APOO: variants seen among roughly 807,000 people sequenced by gnomAD.
The protein encoded by APOO is MICOS complex subunit MIC26.
APOO carries 11 observed loss-of-function variants against 23.1 expected under a neutral mutation model. That is an observed-to-expected ratio of 0.48 (90% CI 0.30 to 0.79). The LOEUF (loss-of-function observed/expected upper bound fraction) is 0.79. Ranked by LOEUF, APOO falls within the 30% of genes least tolerant of loss-of-function variation. The pLI is 0.07. For synonymous variants in APOO, 59 were observed against 54.8 expected (o/e 1.08, Z -0.34); for missense variants, 160 against 142.7 (o/e 1.12, Z -0.62).
intron 1 of APOO, among the ~76,000 whole-genome samples, chrX:23,904,504 GTTTT>G (rs143167112): frequency 1.3e-4 from 7 of 53,223 alleles, no homozygotes; most frequent in African/African-American, 4.2e-4. Context: ...GATGACACTG[GTTTT>G]TTTTTTTTTT....
At chrX:23,900,535 C>T (rs943830516) in intron 1 of APOO, among the ~76,000 whole-genome samples, 4 of 109,773 alleles carry the variant, frequency 3.6e-5, no homozygotes, top group Non-Finnish European at 5.7e-5. Flanking sequence ...CTAGGCCAGG[C>T]GTGCTGGTGC....
intron 1 of APOO, among the ~76,000 whole-genome samples, chrX:23,900,838 A>G (rs1284380639): frequency 1.8e-5 from 2 of 111,624 alleles, no homozygotes; most frequent in Admixed American, 9.5e-5. Context: ...GGAAAAAGAA[A>G]CAACCAATTG....
intron 1 of APOO, among the ~76,000 whole-genome samples, chrX:23,882,490 CCTTTT>C (rs1421602117): frequency 1.8e-5 from 2 of 111,743 alleles, no homozygotes; most frequent in East Asian, 5.6e-4. Context: ...CCATCCATTT[CCTTTT>C]GTCTCATTTG....
chrX:23,837,830 T>G (rs1174188919), intron 8 of APOO, among the ~76,000 whole-genome samples: 5 of 106,084 alleles, frequency 4.7e-5, no homozygotes, highest in African/African-American at 1.7e-4. Context: ...AGCTAATTTT[T>G]TTAATTTTTT....
Position 23,833,567 on chromosome X carries a change from T to TAGAAATAC in APOO, c.*67_*74dup, listed in dbSNP as rs760931411. 6 of 112,338 alleles carry TAGAAATAC rather than the reference T, an allele frequency of 5.3e-5. No homozygotes were observed. The highest frequency in any genetic ancestry group is 1.9e-4 in the African/African-American group (6 of 30,923). The allele number at this position is 112,338 out of a possible 1,213,427, so 9.3% of individuals were successfully genotyped here. A position where few individuals can be genotyped will look rare whatever the true frequency, so the allele number is the denominator to read the frequency against. ...TACTGACTTCTATGCCATTTTTCTG[T>TAGAAATAC]AGAAATACTGATTTATTCTATGGAG... On this transcript the variant is annotated 3_prime_UTR_variant, in exon 9 of 9. Transcript: ENST00000379226.
At chrX:23,885,170 G>A (rs963225072) in intron 1 of APOO, among the ~76,000 whole-genome samples, 2 of 108,612 alleles carry the variant, frequency 1.8e-5, no homozygotes, top group African/African-American at 6.7e-5. Flanking sequence ...AGGCCGAGGT[G>A]GGTGGATCAC....
At chrX:23,874,137 C>T (rs1461664615) in intron 4 of APOO, among the ~76,000 whole-genome samples, 1 of 111,047 alleles carries the variant, frequency 9.0e-6, no homozygotes, top group Non-Finnish European at 1.9e-5. Context: ...AATGAGATTT[C>T]TTTTTTTTAA....
intron 5 of APOO, among the ~76,000 whole-genome samples, chrX:23,861,480 C>T (rs1925025919): frequency 1.0e-5 from 1 of 99,493 alleles, no homozygotes; most frequent in Non-Finnish European, 2.0e-5. Flanking sequence ...AACCTCTTTT[C>T]TTTATAAATT....
chrX:23,843,472 T>G, intron 7 of APOO, among the ~76,000 whole-genome samples: 1 of 111,535 alleles, frequency 9.0e-6, no homozygotes, highest in Non-Finnish European at 1.9e-5. Flanking sequence ...TTTTTTGCAT[T>G]TTCAGACAGA....
At chrX:23,881,120 G>A (rs756979904) in intron 1 of APOO, among the ~76,000 whole-genome samples, 168 bp from the exon 2 acceptor site, 2 of 110,408 alleles carry the variant, frequency 1.8e-5, no homozygotes, top group Non-Finnish European at 3.8e-5. Flanking sequence ...TGTTACCCAG[G>A]CTGCGGTGTA....
chrX:23,854,288 T>G lies in APOO; in HGVS notation c.561+2014A>C, dbSNP rs1924679549. Among the ~76,000 whole-genome samples the G allele has an allele frequency of 8.1e-5, 9 of 111,751 alleles. No individual in the cohort carries two copies. The South Asian group carries it at 3.3e-3, about 41-fold the overall frequency. On this transcript the variant is annotated intron_variant, in intron 7 of 8. Coordinates refer to ENST00000379226, the MANE Select transcript of APOO (RefSeq NM_024122.5). ...GCCAGAGGCTCCCGCAGCCCTCACT[T>G]TAGCTTTGGTGTGCGTGTGTGTCTG...
chrX:23,880,607 G>A (rs918398416), intron 2 of APOO, among the ~76,000 whole-genome samples: 11 of 110,209 alleles, frequency 1.0e-4, no homozygotes, highest in African/African-American at 3.6e-4. Context: ...GCTGAGGCAG[G>A]AGAATGGCTT....
At chrX:23,868,529 A>T in intron 5 of APOO, 64 bp downstream of exon 5, 3 of 947,418 alleles carry the variant, frequency 3.2e-6, no homozygotes, top group Non-Finnish European at 4.4e-6. Context: ...GAAGGGAAAG[A>T]ATGAAACATA....
intron 8 of APOO, among the ~76,000 whole-genome samples, chrX:23,836,274 C>A (rs1360770910): frequency 8.9e-6 from 1 of 112,220 alleles, no homozygotes; most frequent in Non-Finnish European, 1.9e-5. Flanking sequence ...GTTTGAACTA[C>A]AGGCATGAGC....
chrX:23,872,919 C>A (rs141446719), intron 4 of APOO, among the ~76,000 whole-genome samples: 1,300 of 109,442 alleles, frequency 0.012, 21 homozygotes, highest in African/African-American at 0.041. Context: ...GGTGTGGTGG[C>A]GTGTGCCTGC....
intron 2 of APOO, among the ~76,000 whole-genome samples, chrX:23,880,545 C>T (rs1228769858): frequency 9.1e-6 from 1 of 109,342 alleles, no homozygotes; most frequent in Non-Finnish European, 1.9e-5. Context: ...ACTAAAAATA[C>T]AAAATTAGCC....
At chrX:23,885,500 A>G (rs1926331667) in intron 1 of APOO, among the ~76,000 whole-genome samples, 1 of 108,240 alleles carries the variant, frequency 9.2e-6, no homozygotes, top group South Asian at 4.0e-4. Flanking sequence ...AGCTCAAGCA[A>G]TCCTCCCGCC....
At chrX:23,844,453 T>C (rs1377805122) in intron 7 of APOO, among the ~76,000 whole-genome samples, 1 of 111,163 alleles carries the variant, frequency 9.0e-6, no homozygotes, top group Non-Finnish European at 1.9e-5. Flanking sequence ...CTGGGTGGGC[T>C]TGATTCAAGC....
intron 1 of APOO, among the ~76,000 whole-genome samples, chrX:23,893,446 T>A (rs888065657): frequency 1.1e-4 from 12 of 109,716 alleles, no homozygotes; most frequent in African/African-American, 6.6e-5. Flanking sequence ...AATAAATAAA[T>A]AAAAATAAAA....
Sources: allele counts gnomAD v4.1 joint callset (sites outside exome capture counted in the v4.1 genomes callset), GRCh38; gene constraint gnomAD v4.1.1; transcripts MANE v1.5; gene names NCBI Gene and HGNC (gene_info 2026-07-23, HGNC 2026-07-21).